The following CMYA5 variants were observed in gnomAD, a reference collection of about 807,000 sequenced individuals.
The protein encoded by CMYA5 is cardiomyopathy associated 5.
A neutral mutation model predicts 318.9 loss-of-function variants in CMYA5; 246 were observed. The ratio of observed to expected loss-of-function variants is 0.77; its 90% CI spans 0.70 to 0.86. The LOEUF (loss-of-function observed/expected upper bound fraction) is 0.86. Among genes scored for constraint, CMYA5 ranks in the 40% least tolerant of loss-of-function variants. CMYA5 has a pLI of 0.00. For synonymous variants in CMYA5, 1,641 were observed against 1,729.5 expected, an observed-to-expected ratio of 0.95 and a Z score of 1.27; for missense variants, 4,589 against 4,678.2, an observed-to-expected ratio of 0.98 and a Z score of 0.56.
intron 1 of CMYA5, 30 bp downstream of exon 1, chr5:79,690,086 G>A: frequency 7.2e-7 from 1 of 1,397,604 alleles, no homozygotes; most frequent in Non-Finnish European, 9.3e-7. Context: ...TCGGCCCAGG[G>A]CCTGCAGGGC....
At position 79,790,998 on chromosome 5, in the gene CMYA5, A is replaced by G; in HGVS notation, c.11718A>G (p.Thr3906=). The G allele has an allele frequency of 6.2e-7, 1 of 1,613,832 alleles. No homozygotes were observed. The highest frequency in any genetic ancestry group is 1.7e-5 in the Admixed American group (1 of 60,010). ...CCAGATTTCTCTTGTTGAGAGAAACAGCTCATCCTGCTCTACACATTTCCT... is the reference window on the plus strand; with the variant it reads ...CCAGATTTCTCTTGTTGAGAGAAACGGCTCATCCTGCTCTACACATTTCCT... ...RGTRFLLLRE[T]AHPALHISSS... is the part of the protein sequence containing the mutation. Residue 3906 remains threonine (T), a synonymous_variant, in exon 11 of 13, where the codon ACA becomes ACG. Coordinates refer to ENST00000446378, the MANE Select transcript of CMYA5 (RefSeq NM_153610.5).
chr5:79,776,835 A>T (rs927307568), intron 9 of CMYA5, among the ~76,000 whole-genome samples: 5 of 151,680 alleles, frequency 3.3e-5, no homozygotes, highest in African/African-American at 1.2e-4. Flanking sequence ...TGACGACACT[A>T]ACTGTAGGCT....
intron 12 of CMYA5, among the ~76,000 whole-genome samples, chr5:79,797,205 G>A (rs1308450516): frequency 1.3e-5 from 2 of 152,046 alleles, no homozygotes; most frequent in African/African-American, 4.8e-5. Flanking sequence ...TTTATTCATT[G>A]CACAAATATG....
chr5:79,727,795 G>A (rs1045611166), intron 1 of CMYA5, among the ~76,000 whole-genome samples: 11 of 152,080 alleles, frequency 7.2e-5, no homozygotes, highest in African/African-American at 2.4e-5. Context: ...AGAGAAGAGC[G>A]CTACAGAGTC....
chr5:79,751,104 T>C (rs572985010), intron 5 of CMYA5, among the ~76,000 whole-genome samples: 1 of 152,216 alleles, frequency 6.6e-6, no homozygotes, highest in African/African-American at 2.4e-5. Context: ...ACCTCCCTCC[T>C]CTGCTTACCC....
At chr5:79,703,424 A>G (rs755977632) in intron 1 of CMYA5, among the ~76,000 whole-genome samples, 1 of 152,258 alleles carries the variant, frequency 6.6e-6, no homozygotes, top group Non-Finnish European at 1.5e-5. Context: ...TCTGGCCTCA[A>G]TATGACCTGT....
Position 79,747,115 on chromosome 5 carries a change from T to C in CMYA5, c.10991+2T>C, listed in dbSNP as rs1206416992. On this transcript the variant is annotated splice_donor_variant, in intron 5 of 12. Transcript: ENST00000446378. LOFTEE classifies it high-confidence loss of function. ...GTCGTTTGAGGAAATCAATGAAAGG[T>C]ATATAAAACATGATACAATGTAGTG... 1 of 1,546,572 alleles carries C rather than the reference T, an allele frequency of 6.5e-7. No individual in the cohort carries two copies. The highest frequency in any genetic ancestry group is 1.7e-4 in the Middle Eastern group (1 of 5,984).
At chr5:79,789,903 A>G (rs12657828) in intron 10 of CMYA5, among the ~76,000 whole-genome samples, 28,621 of 152,196 alleles carry the variant, frequency 0.19, 3,289 homozygotes, top group Admixed American at 0.32. Flanking sequence ...ATGAATGACC[A>G]AAAGAGTAAT....
At chr5:79,777,796 A>AT (rs61306668) in intron 9 of CMYA5, among the ~76,000 whole-genome samples, 47,760 of 150,958 alleles carry the variant, frequency 0.32, 9,245 homozygotes, top group East Asian at 0.79. Flanking sequence ...ATAAAAATAA[A>AT]TTTTTTTTTA....
chr5:79,793,365 G>A (rs959540734), intron 11 of CMYA5, 72 bp from the exon 12 acceptor site: 3 of 1,429,766 alleles, frequency 2.1e-6, no homozygotes, highest in Non-Finnish European at 2.9e-6. Context: ...GTGAGTTTGT[G>A]AATGTTTATG....
intron 2 of CMYA5, among the ~76,000 whole-genome samples, chr5:79,742,066 TTC>T (rs1230899615): frequency 9.1e-5 from 4 of 44,086 alleles, no homozygotes; most frequent in Admixed American, 1.6e-4. Context: ...CTTCTTCTTC[TTC>T]TTCTTCTTCT....
intron 1 of CMYA5, among the ~76,000 whole-genome samples, chr5:79,702,701 CTG>C (rs2151076054): frequency 6.6e-6 from 1 of 152,224 alleles, no homozygotes; most frequent in South Asian, 2.1e-4. Context: ...TTGCACAACT[CTG>C]TAAATATACT....
rs941644461 is a variant in CMYA5 at position 79,738,947 on chromosome 5, A to T, written c.10182A>T (p.Thr3394=). 1 of 1,613,944 alleles carries T rather than the reference A, an allele frequency of 6.2e-7. No homozygotes were observed. The change falls in exon 2 of 13, where the codon ACA becomes ACT. Residue 3394 remains threonine (T), a synonymous_variant. Coordinates refer to ENST00000446378, the MANE Select transcript of CMYA5 (RefSeq NM_153610.5). ...CTGGTGCAACTCATGTTCAAGAAAC[A>T]TCACTAGAAGAACCTAAAATCCTGG... The part of the protein sequence containing the change: ...FASGATHVQE[T]SLEEPKILVP...
intron 12 of CMYA5, among the ~76,000 whole-genome samples, chr5:79,794,182 C>T (rs937898446): frequency 1.3e-5 from 2 of 152,166 alleles, no homozygotes; most frequent in Non-Finnish European, 2.9e-5. Context: ...CACATAGAAC[C>T]CGCTGCCTGT....
intron 1 of CMYA5, among the ~76,000 whole-genome samples, chr5:79,723,801 A>G (rs930942818): frequency 2.0e-5 from 3 of 151,774 alleles, no homozygotes; most frequent in African/African-American, 7.3e-5. Flanking sequence ...AAAGAAAAGG[A>G]GATTACAGGG....
At chr5:79,799,040 C>T (rs1010965610) in intron 12 of CMYA5, among the ~76,000 whole-genome samples, 3 of 152,162 alleles carry the variant, frequency 2.0e-5, no homozygotes, top group Non-Finnish European at 2.9e-5. Flanking sequence ...AAAAGAATGA[C>T]ACGCCATGAA....
At chr5:79,692,618 A>T (rs980116710) in intron 1 of CMYA5, among the ~76,000 whole-genome samples, 1 of 152,178 alleles carries the variant, frequency 6.6e-6, no homozygotes, top group Non-Finnish European at 1.5e-5. Context: ...TTTGAGCCCA[A>T]TTTTCTCATC....
Position 79,689,992 on chromosome 5 carries a change from G to T in CMYA5, c.85G>T (p.Glu29Ter), listed in dbSNP as rs1307793400. The change falls in exon 1 of 13, where the codon GAG becomes TAG. Residue 29 changes from glutamate to a stop codon, truncating the protein, a stop_gained. Transcript: ENST00000446378. LOFTEE classifies it high-confidence loss of function. The stretch of plus-strand genomic sequence containing the variant: ...GGAGGCGACCCGGGAGCTGGAGACC[G>T]AGGAGGAGTCGGAGGGCGAGGAGGA... ...DEEATRELET[E>*]EESEGEEDET... is the part of the protein sequence containing the mutation. 1.4e-6 allele frequency: 2 copies of T among 1,444,942 alleles called. No homozygotes were observed. The highest frequency in any genetic ancestry group is 9.4e-7 in the Non-Finnish European group (1 of 1,064,934). 89.5% of individuals were successfully genotyped at this position (1,444,942 alleles called of 1,614,324 possible). A position where few individuals can be genotyped will look rare whatever the true frequency, so the allele number is the denominator to read the frequency against.
In CMYA5 at chr5:79,728,959, T is replaced by A; in HGVS notation, c.194T>A (p.Ile65Asn). The A allele has an allele frequency of 6.2e-7, 1 of 1,612,366 alleles. No individual in the cohort carries two copies. Among genetic ancestry groups the A allele is most frequent in the Non-Finnish European group, 8.5e-7 (1 of 1,179,022 alleles). Residue 65 changes from isoleucine (I) to asparagine (N), a missense_variant, in exon 2 of 13, where the codon ATC (isoleucine) becomes AAC (asparagine). Ile to Asn is a moderately radical substitution (Grantham distance 149). Transcript: ENST00000446378. ...GAGGGAAAGATCAAGCAGGAGTATA[T>A]CATATCTGACCCCTCCTTTTCCATG... is the stretch of plus-strand genomic sequence containing the variant. ...DEEGKIKQEY[I>N]ISDPSFSMVT...
Sources: allele counts gnomAD v4.1 joint callset (sites outside exome capture counted in the v4.1 genomes callset), GRCh38; gene constraint gnomAD v4.1.1; transcripts MANE v1.5; gene names NCBI Gene and HGNC (gene_info 2026-07-23, HGNC 2026-07-21).